Variants in MCEMP1 observed in about 807,000 individuals in gnomAD.
The protein encoded by MCEMP1 is mast cell-expressed membrane protein 1.
MCEMP1 carries 17 observed loss-of-function variants against 27.9 expected under a neutral mutation model. The observed-to-expected ratio is 0.61, with a 90% CI of 0.42 to 0.91. The LOEUF (loss-of-function observed/expected upper bound fraction) is 0.91. Among genes scored for constraint, MCEMP1 ranks in the 40% least tolerant of loss-of-function variants. The pLI is 0.00. For synonymous variants in MCEMP1, 88 were observed against 76.9 expected (o/e 1.14, Z -0.76); for missense variants, 200 against 204.8 (o/e 0.98, Z 0.14).
rs1205246117 is a variant in MCEMP1, at chr19:7,678,115, T to C, written c.157T>C (p.Cys53Arg). ...CCTCTTTGCTCCAGTCCCAGCCCAG[T>C]GCAGGCCGCCCTCAGACTCCACCCA... ...SRPTSQVPAQ[C>R]RPPSDSTQVP... The change falls in exon 3 of 7, where the codon TGC becomes CGC. Residue 53 changes from cysteine to arginine, a missense_variant. Physicochemically the swap from Cys to Arg is radical, Grantham distance 180. Coordinates refer to ENST00000333598, the MANE Select transcript of MCEMP1 (RefSeq NM_174918.3). This position sits in a 1 kb window ranked among gnomAD's most constrained non-coding sequence, Gnocchi z 4.8. 3.1e-6 allele frequency: 5 copies of C among 1,606,412 alleles called. No homozygotes were observed. The highest frequency in any genetic ancestry group is 2.2e-5 in the East Asian group (1 of 44,856).
chr19:7,678,389 A>G lies in MCEMP1; in HGVS notation c.323A>G (p.Glu108Gly), dbSNP rs773659150. 2.5e-6 allele frequency: 4 copies of G among 1,613,658 alleles called. No individual in the cohort carries two copies. In the Admixed American group the frequency reaches 5.0e-5, roughly 20 times the overall value. The change falls in exon 4 of 7, where the codon GAG becomes GGG. Residue 108 changes from glutamate to glycine, a missense_variant. Coordinates refer to ENST00000333598, the MANE Select transcript of MCEMP1 (RefSeq NM_174918.3). The surrounding 1 kb of genome is among the most constrained non-coding windows in gnomAD (Gnocchi z 4.8). ...MSKELLGFKR[E>G]LWNVSNSVQA... ...AAGGAGCTGCTGGGCTTTAAAAGGG[A>G]GCTTTGGAATGGTGAGCGGAGGGTC...
Position 7,677,261 on chromosome 19 carries a change from C to G in MCEMP1, c.55+86C>G. On this transcript the variant is annotated intron_variant, in intron 1 of 6. Coordinates refer to ENST00000333598, the MANE Select transcript of MCEMP1 (RefSeq NM_174918.3). The surrounding 1 kb of genome is among the most constrained non-coding windows in gnomAD (Gnocchi z 4.6). ...TTTGCTCATGTCTGTAATCCTAGCA[C>G]TTTGGGAGGCTGAGGCGGGAGGATT... 8.2e-7 allele frequency: 1 copy of G among 1,225,382 alleles called. No individual in the cohort carries two copies. The highest frequency in any genetic ancestry group is 1.2e-6 in the Non-Finnish European group (1 of 860,730). 75.9% of individuals were successfully genotyped at this position (1,225,382 alleles called of 1,614,324 possible). A position where few individuals can be genotyped will look rare whatever the true frequency, so the allele number is the denominator to read the frequency against.
Position 7,677,904 on chromosome 19 carries a change from G to C in MCEMP1, c.145+178G>C. On this transcript the variant is annotated intron_variant, in intron 2 of 6. Transcript: ENST00000333598. This position sits in a 1 kb window ranked among gnomAD's most constrained non-coding sequence, Gnocchi z 4.6. ...TGACAATGTTGGGGAATGCTGGAGA[G>C]GGGGTCTGTGATGGTGACGGTGTTA... The C allele has an allele frequency of 1.9e-6, 2 of 1,039,666 alleles. No individual in the cohort carries two copies. Among genetic ancestry groups the C allele is most frequent in the Non-Finnish European group, 2.8e-6 (2 of 703,374 alleles). 64.4% of individuals were successfully genotyped at this position (1,039,666 alleles called of 1,614,324 possible). A position where few individuals can be genotyped will look rare whatever the true frequency, so the allele number is the denominator to read the frequency against.
chr19:7,678,837 G>T lies in MCEMP1; in HGVS notation c.449-87G>T, dbSNP rs913905281. 4.2e-5 allele frequency: 57 copies of T among 1,354,342 alleles called. No individual in the cohort carries two copies. In the African/African-American group the frequency reaches 7.7e-4, roughly 18 times the overall value. The allele number at this position is 1,354,342 out of a possible 1,614,324, so 83.9% of individuals were successfully genotyped here. A position where few individuals can be genotyped will look rare whatever the true frequency, so the allele number is the denominator to read the frequency against. ...CCCAGGGTGGGTGTGGGGCAGGGGG[G>T]GTGCTTCCAAGGAAGGTGGGGGCTT... On this transcript the variant is annotated intron_variant, in intron 5 of 6. Transcript: ENST00000333598. This position sits in a 1 kb window ranked among gnomAD's most constrained non-coding sequence, Gnocchi z 4.8.
chr19:7,679,101 C>T lies in MCEMP1; in HGVS notation c.512C>T (p.Ser171Phe). 6.2e-7 allele frequency: 1 copy of T among 1,605,642 alleles called. No homozygotes were observed. The highest frequency in any genetic ancestry group is 8.5e-7 in the Non-Finnish European group (1 of 1,175,548). The change falls in exon 7 of 7, where the codon TCC becomes TTC. Residue 171 changes from serine (S) to phenylalanine (F), a missense_variant. Ser to Phe is a radical substitution (Grantham distance 155). Coordinates refer to ENST00000333598, the MANE Select transcript of MCEMP1 (RefSeq NM_174918.3). The surrounding 1 kb of genome is among the most constrained non-coding windows in gnomAD (Gnocchi z 4.9). ...ILEVLQKMPQ[S>F]SPQ ...GTGGGTCTCTCCCCATCCCCAGAGT[C>T]CTCACCTCAATAAATGAGAGGACAT...
In MCEMP1 at chr19:7,679,197, C is replaced by A. The variant is rs115072967; in HGVS notation, c.*83C>A. On this transcript the variant is annotated 3_prime_UTR_variant, in exon 7 of 7. Coordinates refer to ENST00000333598, the MANE Select transcript of MCEMP1 (RefSeq NM_174918.3). This position sits in a 1 kb window ranked among gnomAD's most constrained non-coding sequence, Gnocchi z 4.9. ...AACGAAGACGGGAAATGACCCCCCC[C>A]CCCCAGCCTAGTGTGAACCTGCCCC... 1.3e-5 allele frequency: 19 copies of A among 1,422,450 alleles called. No individual in the cohort carries two copies. The highest frequency in any genetic ancestry group is 5.0e-5 in the East Asian group (2 of 39,776). 88.1% of individuals were successfully genotyped at this position (1,422,450 alleles called of 1,614,324 possible).
In MCEMP1 at chr19:7,678,687, G is replaced by A. The variant is rs1452258283; in HGVS notation, c.448+83G>A. 68 of 1,377,262 alleles carry A rather than the reference G, an allele frequency of 4.9e-5. No homozygotes were observed. The highest frequency in any genetic ancestry group is 6.5e-5 in the Non-Finnish European group (64 of 981,922). The allele number at this position is 1,377,262 out of a possible 1,614,324, so 85.3% of individuals were successfully genotyped here. A position where few individuals can be genotyped will look rare whatever the true frequency, so the allele number is the denominator to read the frequency against. ...GCTGGGGGCAGGGGATTCAGGGGAG[G>A]AGAAAGCCGGGGTCCTACCCTCCCA... On this transcript the variant is annotated intron_variant, in intron 5 of 6. Transcript: ENST00000333598. The surrounding 1 kb of genome is among the most constrained non-coding windows in gnomAD (Gnocchi z 4.8).
chr19:7,679,284 G>T lies in MCEMP1; in HGVS notation c.*170G>T. ...ATGAGTGTCTCGGAGTTGCTCGTGT[G>T]TGTGTACACCTGCGTGCGTGTGTGT... On this transcript the variant is annotated 3_prime_UTR_variant, in exon 7 of 7. Coordinates refer to ENST00000333598, the MANE Select transcript of MCEMP1 (RefSeq NM_174918.3). This position sits in a 1 kb window ranked among gnomAD's most constrained non-coding sequence, Gnocchi z 4.9. 1.2e-6 allele frequency: 1 copy of T among 815,820 alleles called. No individual in the cohort carries two copies. Among genetic ancestry groups the T allele is most frequent in the Middle Eastern group, 3.7e-4 (1 of 2,714 alleles). The allele number at this position is 815,820 out of a possible 1,614,324, so 50.5% of individuals were successfully genotyped here. A position where few individuals can be genotyped will look rare whatever the true frequency, so the allele number is the denominator to read the frequency against.
rs1385446337 is a variant in MCEMP1, at chr19:7,677,623, C to T, written c.56-14C>T. 6.2e-7 allele frequency: 1 copy of T among 1,607,878 alleles called. No individual in the cohort carries two copies. The highest frequency in any genetic ancestry group is 8.5e-7 in the Non-Finnish European group (1 of 1,174,368). The stretch of plus-strand genomic sequence containing the variant: ...ACACCACAGAGCTCTGAGCAGATCT[C>T]CAACCCCTCCCAGGTGCCCATGACC... On this transcript the variant is annotated splice_polypyrimidine_tract_variant and intron_variant, in intron 1 of 6. Coordinates refer to ENST00000333598, the MANE Select transcript of MCEMP1 (RefSeq NM_174918.3). The surrounding 1 kb of genome is among the most constrained non-coding windows in gnomAD (Gnocchi z 4.6).
Position 7,679,334 on chromosome 19 carries a change from ATGTG to A in MCEMP1, c.*221_*224del. 1.7e-6 allele frequency: 1 copy of A among 594,586 alleles called. No individual in the cohort carries two copies. Among genetic ancestry groups the A allele is most frequent in the Non-Finnish European group, 2.9e-6 (1 of 340,134 alleles). The allele number at this position is 594,586 out of a possible 1,614,324, so 36.8% of individuals were successfully genotyped here. On this transcript the variant is annotated 3_prime_UTR_variant, in exon 7 of 7. Transcript: ENST00000333598. The surrounding 1 kb of genome is among the most constrained non-coding windows in gnomAD (Gnocchi z 4.9). Reference sequence around the variant, plus strand: ...TGCGTGTGTGCGCGTGTGTTCGTGTATGTGCGTGTGTGCGTGCGCGTGTGTGTGC... The same window carrying A: ...TGCGTGTGTGCGCGTGTGTTCGTGTACGTGTGTGCGTGCGCGTGTGTGTGC...
chr19:7,677,535 T>C lies in MCEMP1; in HGVS notation c.56-102T>C. 1 of 1,176,348 alleles carries C rather than the reference T, an allele frequency of 8.5e-7. No homozygotes were observed. Among genetic ancestry groups the C allele is most frequent in the South Asian group, 1.2e-5 (1 of 80,304 alleles). 72.9% of individuals were successfully genotyped at this position (1,176,348 alleles called of 1,614,324 possible). ...ATTTTAGCTTCTCACTCCTTATCTTTCACCCCCTACAATTTATTGAGTGCA... is the reference window on the plus strand; with the variant it reads ...ATTTTAGCTTCTCACTCCTTATCTTCCACCCCCTACAATTTATTGAGTGCA... On this transcript the variant is annotated intron_variant, in intron 1 of 6. Coordinates refer to ENST00000333598, the MANE Select transcript of MCEMP1 (RefSeq NM_174918.3). The surrounding 1 kb of genome is among the most constrained non-coding windows in gnomAD (Gnocchi z 4.6).
chr19:7,678,699 G>A lies in MCEMP1; in HGVS notation c.448+95G>A, dbSNP rs2032582042. ...GGATTCAGGGGAGGAGAAAGCCGGG[G>A]TCCTACCCTCCCAAAGCTCAAGTTG... On this transcript the variant is annotated intron_variant, in intron 5 of 6. Coordinates refer to ENST00000333598, the MANE Select transcript of MCEMP1 (RefSeq NM_174918.3). The surrounding 1 kb of genome is among the most constrained non-coding windows in gnomAD (Gnocchi z 4.8). 2 of 1,303,576 alleles carry A rather than the reference G, an allele frequency of 1.5e-6. No individual in the cohort carries two copies. Among genetic ancestry groups the A allele is most frequent in the Non-Finnish European group, 2.2e-6 (2 of 920,010 alleles). 80.8% of individuals were successfully genotyped at this position (1,303,576 alleles called of 1,614,324 possible).
At position 7,678,734 on chromosome 19, in the gene MCEMP1, G is replaced by T; in HGVS notation, c.448+130G>T. ...CCCAAAGCTCAAGTTGTGGAGGGGC[G>T]ATGGGTGTTACCATCTGGGTTGCTC... On this transcript the variant is annotated intron_variant, in intron 5 of 6. Transcript: ENST00000333598. This position sits in a 1 kb window ranked among gnomAD's most constrained non-coding sequence, Gnocchi z 4.8. The T allele has an allele frequency of 9.0e-7, 1 of 1,112,846 alleles. No individual in the cohort carries two copies. The highest frequency in any genetic ancestry group is 1.3e-6 in the Non-Finnish European group (1 of 759,748). The allele number at this position is 1,112,846 out of a possible 1,614,324, so 68.9% of individuals were successfully genotyped here.
chr19:7,678,853 G>C lies in MCEMP1; in HGVS notation c.449-71G>C. On this transcript the variant is annotated intron_variant, in intron 5 of 6. Transcript: ENST00000333598. This position sits in a 1 kb window ranked among gnomAD's most constrained non-coding sequence, Gnocchi z 4.8. The stretch of plus-strand genomic sequence containing the variant: ...GGCAGGGGGGGTGCTTCCAAGGAAG[G>C]TGGGGGCTTTGTTTGAGGCTCCACC... 1.4e-6 allele frequency: 2 copies of C among 1,431,914 alleles called. No homozygotes were observed. Among genetic ancestry groups the C allele is most frequent in the South Asian group, 1.3e-5 (1 of 77,816 alleles). 88.7% of individuals were successfully genotyped at this position (1,431,914 alleles called of 1,614,324 possible). A position where few individuals can be genotyped will look rare whatever the true frequency, so the allele number is the denominator to read the frequency against.
Position 7,678,018 on chromosome 19 carries a change from A to G in MCEMP1, c.146-86A>G. ...GCTGCTGATGGTTTTGAGAGGAGCG[A>G]GGTGTCCATGGTGTTAGAGACAGTG... On this transcript the variant is annotated intron_variant, in intron 2 of 6. Transcript: ENST00000333598. This position sits in a 1 kb window ranked among gnomAD's most constrained non-coding sequence, Gnocchi z 4.8. 1.3e-6 allele frequency: 2 copies of G among 1,499,080 alleles called. No individual in the cohort carries two copies. Among genetic ancestry groups the G allele is most frequent in the Non-Finnish European group, 1.8e-6 (2 of 1,121,548 alleles). 92.9% of individuals were successfully genotyped at this position (1,499,080 alleles called of 1,614,324 possible).
Position 7,677,584 on chromosome 19 carries a change from C to G in MCEMP1, c.56-53C>G. On this transcript the variant is annotated intron_variant, in intron 1 of 6. Transcript: ENST00000333598. The surrounding 1 kb of genome is among the most constrained non-coding windows in gnomAD (Gnocchi z 4.6). The stretch of plus-strand genomic sequence containing the variant: ...CAAAGGGTTGGGTAAAACAAGATCC[C>G]GGATCCACTCTCCACACCACAGAGC... 6.6e-7 allele frequency: 1 copy of G among 1,506,308 alleles called. No individual in the cohort carries two copies. The highest frequency in any genetic ancestry group is 9.2e-7 in the Non-Finnish European group (1 of 1,082,190). The allele number at this position is 1,506,308 out of a possible 1,614,324, so 93.3% of individuals were successfully genotyped here.
At position 7,678,165 on chromosome 19, in the gene MCEMP1, C is replaced by G; in HGVS notation, c.207C>G (p.Ala69=). The G allele has an allele frequency of 1.2e-6, 2 of 1,614,076 alleles. No individual in the cohort carries two copies. The highest frequency in any genetic ancestry group is 1.7e-6 in the Non-Finnish European group (2 of 1,179,976). ...AGGTCCCCTGCTGGTTGTACAGAGC[C>G]ATCCTGAGCCTGTACATCCTCCTGG... is the stretch of plus-strand genomic sequence containing the variant. ...STQVPCWLYR[A]ILSLYILLAL... The change falls in exon 3 of 7, where the codon GCC becomes GCG. Residue 69 remains alanine, a synonymous_variant. Transcript: ENST00000333598. The surrounding 1 kb of genome is among the most constrained non-coding windows in gnomAD (Gnocchi z 4.8).
At position 7,677,227 on chromosome 19, in the gene MCEMP1, C is replaced by A; in HGVS notation, c.55+52C>A. The A allele has an allele frequency of 1.3e-6, 2 of 1,490,432 alleles. No individual in the cohort carries two copies. The highest frequency in any genetic ancestry group is 1.8e-6 in the Non-Finnish European group (2 of 1,091,926). The allele number at this position is 1,490,432 out of a possible 1,614,324, so 92.3% of individuals were successfully genotyped here. On this transcript the variant is annotated intron_variant, in intron 1 of 6. Coordinates refer to ENST00000333598, the MANE Select transcript of MCEMP1 (RefSeq NM_174918.3). The surrounding 1 kb of genome is among the most constrained non-coding windows in gnomAD (Gnocchi z 4.6). ...GGGTTAAGAAGGAGAGATTGGGGGG[C>A]CGGGGGCTTTTGCTCATGTCTGTAA...
Position 7,678,787 on chromosome 19 carries a change from C to T in MCEMP1, c.449-137C>T. 8.9e-7 allele frequency: 1 copy of T among 1,126,546 alleles called. No homozygotes were observed. The highest frequency in any genetic ancestry group is 1.5e-5 in the South Asian group (1 of 65,670). The allele number at this position is 1,126,546 out of a possible 1,614,324, so 69.8% of individuals were successfully genotyped here. On this transcript the variant is annotated intron_variant, in intron 5 of 6. Coordinates refer to ENST00000333598, the MANE Select transcript of MCEMP1 (RefSeq NM_174918.3). The surrounding 1 kb of genome is among the most constrained non-coding windows in gnomAD (Gnocchi z 4.8). ...TGGGTATTGAAAGGCTCCTGGGAAC[C>T]CCAAATCCATGGGCTCTGCTGTACC...
Sources: allele counts gnomAD v4.1 joint callset, GRCh38; gene constraint gnomAD v4.1.1; non-coding constraint Gnocchi (gnomAD v3.1); transcripts MANE v1.5; gene names NCBI Gene and HGNC (gene_info 2026-07-23, HGNC 2026-07-21).